MAGI2: variants seen among roughly 807,000 people sequenced by gnomAD.
MAGI2 encodes the protein membrane-associated guanylate kinase, WW and PDZ domain-containing protein 2.
Under a neutral mutation model 133.3 loss-of-function variants are expected in MAGI2, and 35 were observed. The observed-to-expected ratio is 0.26, with a 90% CI of 0.20 to 0.35. MAGI2 has a LOEUF of 0.35. MAGI2 is among the 10% of genes least tolerant of loss of function. The probability of loss-of-function intolerance (pLI) is 1.00; values close to 1 mark genes in which losing one functional copy is unlikely to be tolerated. For missense variants in MAGI2, 1,636 were observed against 1,863.4 expected, an observed-to-expected ratio of 0.88 and a Z score of 2.25; for synonymous variants, 729 against 710.6, an observed-to-expected ratio of 1.03 and a Z score of -0.41.
rs951411442 is a variant in MAGI2 at position 78,342,897 on chromosome 7, G to A, written c.1408+881C>T. ...TGGGTCCAGCAAACCACCATGGCAC[G>A]TGTATACCTATGTAACAAACCTGCT... is the stretch of plus-strand genomic sequence containing the variant. On this transcript the variant is annotated intron_variant, in intron 9 of 21. Coordinates refer to ENST00000354212, the MANE Select transcript of MAGI2 (RefSeq NM_012301.4). Among the ~76,000 whole-genome samples, 8 of 152,188 alleles carry A rather than the reference G, an allele frequency of 5.3e-5. 1 individual carries two copies. In the South Asian group the frequency reaches 1.5e-3, roughly 28 times the overall value.
intron 9 of MAGI2, among the ~76,000 whole-genome samples, chr7:78,335,132 G>A (rs2151162432): frequency 6.6e-6 from 1 of 152,314 alleles, no homozygotes; most frequent in African/African-American, 2.4e-5. Flanking sequence ...TTTTATCTAA[G>A]TATTTACTAA....
chr7:78,042,827 G>C (rs1364989798), intron 21 of MAGI2, among the ~76,000 whole-genome samples: 1 of 152,210 alleles, frequency 6.6e-6, no homozygotes, highest in African/African-American at 2.4e-5. Context: ...TAGATTTGGA[G>C]TATCAGAGCT....
intron 10 of MAGI2, 32 bp downstream of exon 10, chr7:78,255,898 CTATTTTACCCACA>C: frequency 7.0e-6 from 11 of 1,571,276 alleles, no homozygotes; most frequent in Non-Finnish European, 8.7e-6. Flanking sequence ...AATGATCCTA[CTATTTTACCCACA>C]TATTTTATTG....
intron 6 of MAGI2, among the ~76,000 whole-genome samples, chr7:78,402,274 C>T (rs1430620614): frequency 1.4e-5 from 2 of 147,698 alleles, no homozygotes; most frequent in East Asian, 4.0e-4. Context: ...TGTGTGTCCA[C>T]CTGGGATGTG....
At chr7:78,991,315 CAT>C (rs1304724542) in intron 2 of MAGI2, among the ~76,000 whole-genome samples, 115 of 146,144 alleles carry the variant, frequency 7.9e-4, no homozygotes, top group African/African-American at 2.6e-3. Flanking sequence ...TAGACACACA[CAT>C]ACACACACAC....
chr7:79,168,915 TATATATATATATATATATAA>T (rs1825238126), intron 1 of MAGI2, among the ~76,000 whole-genome samples: 2 of 19,322 alleles, frequency 1.0e-4, no homozygotes, highest in Admixed American at 1.2e-3. Context: ...TATATATATA[TATATATATATATATATATAA>T]ATTTTTTTTC....
chr7:78,331,466 A>T (rs1789190665), intron 9 of MAGI2, among the ~76,000 whole-genome samples: 1 of 152,052 alleles, frequency 6.6e-6, no homozygotes, highest in Non-Finnish European at 1.5e-5. Context: ...TGATAAAGCA[A>T]GGCAATTGGT....
intron 1 of MAGI2, among the ~76,000 whole-genome samples, chr7:79,257,874 G>GC (rs967350432): frequency 6.6e-6 from 1 of 151,974 alleles, no homozygotes; most frequent in African/African-American, 2.4e-5. Flanking sequence ...GCAACATTTT[G>GC]CCCCACAGAA....
chr7:78,031,321 A>C (rs1376848327), intron 21 of MAGI2, among the ~76,000 whole-genome samples: 1 of 152,236 alleles, frequency 6.6e-6, no homozygotes, highest in Non-Finnish European at 1.5e-5. Context: ...AACTCATAGA[A>C]TTTACACTAA....
Position 78,135,145 on chromosome 7 carries a change from T to A in MAGI2, c.2907A>T (p.Leu969=). The part of the protein sequence containing the change: ...DGSPADRCAK[L]KVGDRILAVN... ...CTGCTAGGATCCGGTCTCCCACTTTTAGTTTTGCACAGCGATCTGCAGGAC... is the reference window on the plus strand; with the variant it reads ...CTGCTAGGATCCGGTCTCCCACTTTAAGTTTTGCACAGCGATCTGCAGGAC... Residue 969 remains leucine (L), a synonymous_variant, in exon 17 of 22, where the codon CTA becomes CTT. Transcript: ENST00000354212. The A allele has an allele frequency of 6.2e-7, 1 of 1,614,196 alleles. No homozygotes were observed. Among genetic ancestry groups the A allele is most frequent in the South Asian group, 1.1e-5 (1 of 91,078 alleles).
At chr7:78,046,388 C>A (rs536614802) in intron 21 of MAGI2, among the ~76,000 whole-genome samples, 16 of 147,678 alleles carry the variant, frequency 1.1e-4, no homozygotes, top group African/African-American at 3.8e-4. Flanking sequence ...GGTAACAGAG[C>A]GAGACTCTGT....
chr7:78,667,274 G>C (rs113584406), intron 2 of MAGI2, among the ~76,000 whole-genome samples: 4 of 150,324 alleles, frequency 2.7e-5, no homozygotes, highest in Non-Finnish European at 5.9e-5. Flanking sequence ...GGCTACCACC[G>C]ATCTGTTCTC....
intron 6 of MAGI2, among the ~76,000 whole-genome samples, chr7:78,444,228 A>G (rs1787905131): frequency 6.6e-6 from 1 of 152,134 alleles, no homozygotes; most frequent in Non-Finnish European, 1.5e-5. Context: ...AGTTGGCTAT[A>G]TGTATATGGC....
chr7:78,511,033 C>T (rs893744705), intron 4 of MAGI2, among the ~76,000 whole-genome samples: 8 of 152,016 alleles, frequency 5.3e-5, no homozygotes, highest in Admixed American at 2.0e-4. Flanking sequence ...TGTGCAAACC[C>T]AATAATCCCA....
At chr7:78,621,777 G>C (rs1807770919) in intron 3 of MAGI2, among the ~76,000 whole-genome samples, 1 of 151,980 alleles carries the variant, frequency 6.6e-6, no homozygotes, top group African/African-American at 2.4e-5. Flanking sequence ...TAAGAGGCAG[G>C]ACTACAAATC....
At chr7:79,155,020 C>A (rs1823628871) in intron 1 of MAGI2, among the ~76,000 whole-genome samples, 2 of 152,170 alleles carry the variant, frequency 1.3e-5, no homozygotes, top group South Asian at 2.1e-4. Context: ...TGTTGACAGT[C>A]CATAATATGT....
At chr7:78,309,601 T>C (rs1798526248) in intron 9 of MAGI2, among the ~76,000 whole-genome samples, 1 of 152,166 alleles carries the variant, frequency 6.6e-6, no homozygotes, top group African/African-American at 2.4e-5. Context: ...AGGAATCATA[T>C]ACCCCAAACG....
intron 1 of MAGI2, among the ~76,000 whole-genome samples, chr7:79,346,442 A>C (rs934060314): frequency 2.0e-5 from 3 of 151,912 alleles, no homozygotes; most frequent in African/African-American, 7.2e-5. Flanking sequence ...ATTTCCCTAA[A>C]CAGCTTTTGA....
chr7:79,155,644 G>A (rs1215739146), intron 1 of MAGI2, among the ~76,000 whole-genome samples: 1 of 152,092 alleles, frequency 6.6e-6, no homozygotes, highest in Non-Finnish European at 1.5e-5. Context: ...CCAGAGAGTT[G>A]GAAGTGTGTT....
Sources: gnomAD v4.1 joint callset for allele counts (sites outside exome capture counted in the v4.1 genomes callset) on GRCh38, gnomAD v4.1.1 for gene constraint, MANE v1.5 for transcripts, NCBI Gene and HGNC (gene_info 2026-07-23, HGNC 2026-07-21) for gene names.